The following SUSD1 variants were observed in gnomAD, a reference collection of about 807,000 sequenced individuals.
SUSD1 encodes the protein sushi domain-containing protein 1.
Under a neutral mutation model 86.9 loss-of-function variants are expected in SUSD1, and 65 were observed. That is an observed-to-expected ratio of 0.75 (90% CI 0.61 to 0.92). SUSD1 has a LOEUF of 0.92. Ranked by LOEUF, SUSD1 falls within the 40% of genes least tolerant of loss-of-function variation. The probability of loss-of-function intolerance (pLI) is 0.00; values close to 1 mark genes in which losing one functional copy is unlikely to be tolerated. For missense variants in SUSD1, 850 were observed against 929.7 expected (o/e 0.91, Z 1.11); for synonymous variants, 346 against 350.0 (o/e 0.99, Z 0.13).
intron 3 of SUSD1, 44 bp downstream of exon 3, chr9:112,149,200 C>G: frequency 1.2e-6 from 2 of 1,608,442 alleles, no homozygotes; most frequent in Non-Finnish European, 1.7e-6. Context: ...AGATACTATC[C>G]TGCCATCGCC....
At chr9:112,124,215 G>A (rs1213749847) in intron 6 of SUSD1, 42 bp downstream of exon 6, 2 of 1,570,946 alleles carry the variant, frequency 1.3e-6, no homozygotes, top group South Asian at 1.2e-5. Flanking sequence ...CCCACTGGCT[G>A]TTTTGTTCCT....
intron 8 of SUSD1, among the ~76,000 whole-genome samples, chr9:112,111,239 C>A (rs1831084056): frequency 6.6e-6 from 1 of 152,102 alleles, no homozygotes; most frequent in Non-Finnish European, 1.5e-5. Context: ...AGTGATCTGC[C>A]CACTTCAGCC....
intron 5 of SUSD1, among the ~76,000 whole-genome samples, chr9:112,138,463 CTTT>C (rs1320715477): frequency 1.4e-5 from 2 of 139,238 alleles, no homozygotes; most frequent in African/African-American, 2.6e-5. Context: ...AATAAATATT[CTTT>C]TTTTTTTTTT....
At chr9:112,149,131 C>T in intron 3 of SUSD1, 113 bp downstream of exon 3, 1 of 1,410,098 alleles carries the variant, frequency 7.1e-7, no homozygotes, top group Non-Finnish European at 9.8e-7. Flanking sequence ...TACCACAATA[C>T]CATTATGCCA....
At chr9:112,077,142 G>A (rs1488775107) in intron 12 of SUSD1, among the ~76,000 whole-genome samples, 2 of 152,102 alleles carry the variant, frequency 1.3e-5, no homozygotes, top group East Asian at 1.9e-4. Context: ...GTTGCAACAT[G>A]CTAGGCAATG....
chr9:112,159,472 C>A (rs1833473694), intron 1 of SUSD1, among the ~76,000 whole-genome samples: 1 of 152,166 alleles, frequency 6.6e-6, no homozygotes, highest in Admixed American at 6.5e-5. Flanking sequence ...CCAAATTAAC[C>A]ATGGAATATT....
chr9:112,137,402 T>G (rs909149856), intron 5 of SUSD1, among the ~76,000 whole-genome samples: 28 of 152,186 alleles, frequency 1.8e-4, no homozygotes, highest in Admixed American at 6.5e-5. Context: ...TAAATTAATT[T>G]TCTACATTCT....
intron 9 of SUSD1, among the ~76,000 whole-genome samples, chr9:112,100,543 T>C (rs184687749): frequency 1.0e-3 from 152 of 151,986 alleles, no homozygotes; most frequent in African/African-American, 3.4e-3. Flanking sequence ...GTTAAAAAAA[T>C]TGTACCTGGC....
chr9:112,170,708 T>TAGAGAGAGAGAGAGAG (rs374990062), intron 1 of SUSD1, among the ~76,000 whole-genome samples: 13 of 95,446 alleles, frequency 1.4e-4, no homozygotes, highest in Non-Finnish European at 8.5e-5. Flanking sequence ...TATATATATA[T>TAGAGAGAGAGAGAGAG]ATAGAGAGAG....
chr9:112,041,317 AG>A lies in SUSD1; in HGVS notation c.*174del, dbSNP rs1827724220. 1 of 666,490 alleles carries A rather than the reference AG, an allele frequency of 1.5e-6. No homozygotes were observed. The highest frequency in any genetic ancestry group is 2.7e-6 in the Non-Finnish European group (1 of 367,002). The allele number at this position is 666,490 out of a possible 1,614,324, so 41.3% of individuals were successfully genotyped here. ...AGTTTTCTCCTTATGGTGACTCCTC[AG>A]GGATAGCCACCATCTTAAATCCAGG... On this transcript the variant is annotated 3_prime_UTR_variant, in exon 17 of 17. Coordinates refer to ENST00000374270, the MANE Select transcript of SUSD1 (RefSeq NM_022486.5).
intron 5 of SUSD1, 98 bp from the exon 6 acceptor site, chr9:112,124,534 T>C: frequency 1.7e-6 from 2 of 1,182,330 alleles, no homozygotes; most frequent in Non-Finnish European, 2.3e-6. Flanking sequence ...TAGAGGCCAC[T>C]CAAACAGGAA....
intron 5 of SUSD1, among the ~76,000 whole-genome samples, chr9:112,135,861 A>C (rs1251963585): frequency 6.6e-6 from 1 of 152,228 alleles, no homozygotes; most frequent in Non-Finnish European, 1.5e-5. Flanking sequence ...AATAGCTCTA[A>C]GGGATGAACA....
intron 5 of SUSD1, among the ~76,000 whole-genome samples, chr9:112,140,458 T>C (rs1832514498): frequency 6.7e-6 from 1 of 150,212 alleles, no homozygotes; most frequent in Non-Finnish European, 1.5e-5. Context: ...GAGGATGGCT[T>C]GAGCCCAGGA....
rs370128051 is a variant in SUSD1, at chr9:112,058,550, G to C, written c.1987C>G (p.Pro663Ala). Residue 663 changes from proline to alanine, a missense_variant, in exon 14 of 17, where the codon CCA (proline) becomes GCA (alanine). By Grantham distance (27) the Pro-to-Ala change is conservative. Transcript: ENST00000374270. ...VAAELLAKDV[P>A]DDAMEIPIGD... ...ATAGGTATCTCCATGGCATCATCTG[G>C]AACATCTTTGGCCAGTAGTTCTGCA... The C allele has an allele frequency of 2.0e-4, 323 of 1,614,092 alleles. 6 individuals are homozygous for C. In the South Asian group the frequency reaches 2.9e-3, roughly 14 times the overall value.
intron 13 of SUSD1, 134 bp from the exon 14 acceptor site, chr9:112,058,820 A>G (rs1828576382): frequency 9.1e-7 from 1 of 1,097,092 alleles, no homozygotes; most frequent in Non-Finnish European, 1.3e-6. Flanking sequence ...TTTGAGATGG[A>G]GTCTTGCTCT....
chr9:112,096,430 C>A (rs116680453), intron 10 of SUSD1, among the ~76,000 whole-genome samples: 1 of 152,178 alleles, frequency 6.6e-6, no homozygotes, highest in Non-Finnish European at 1.5e-5. Context: ...ACACTCTCCA[C>A]TCAGCAGGAC....
At chr9:112,056,989 G>A (rs114162915) in intron 14 of SUSD1, among the ~76,000 whole-genome samples, 2,047 of 152,206 alleles carry the variant, frequency 0.013, 47 homozygotes, top group African/African-American at 0.047. Flanking sequence ...TTCAAATGTC[G>A]AAGCCCTAAC....
rs1276809601 is a variant in SUSD1 at position 112,102,958 on chromosome 9, A to G, written c.1172-673T>C. On this transcript the variant is annotated intron_variant, in intron 8 of 16. Transcript: ENST00000374270. ...TCTTACAATGTTCTATTTTCTTAAT[A>G]TAGTTTAGAAGGATAGATTTATTAC... Among the ~76,000 whole-genome samples, 4 of 152,322 alleles carry G rather than the reference A, an allele frequency of 2.6e-5. No individual in the cohort carries two copies. In the East Asian group the frequency reaches 5.8e-4, roughly 22 times the overall value.
At chr9:112,054,836 C>T (rs972681898) in intron 14 of SUSD1, among the ~76,000 whole-genome samples, 4 of 152,058 alleles carry the variant, frequency 2.6e-5, no homozygotes, top group African/African-American at 9.7e-5. Flanking sequence ...ACAGACTGAT[C>T]ATCATCAAAA....
Sources: allele counts gnomAD v4.1 joint callset (sites outside exome capture counted in the v4.1 genomes callset), GRCh38; gene constraint gnomAD v4.1.1; transcripts MANE v1.5; gene names NCBI Gene and HGNC (gene_info 2026-07-23, HGNC 2026-07-21).